CELSR1: variants seen among roughly 807,000 people sequenced by gnomAD.
CELSR1 encodes adhesion G protein-coupled receptor C1.
Under a neutral mutation model 249.1 loss-of-function variants are expected in CELSR1, and 110 were observed. The observed-to-expected ratio is 0.44, with a 90% CI of 0.38 to 0.52. The LOEUF (loss-of-function observed/expected upper bound fraction) is 0.52. Among genes scored for constraint, CELSR1 ranks in the 20% least tolerant of loss-of-function variants. The probability of loss-of-function intolerance (pLI) is 0.00; values close to 1 mark genes in which losing one functional copy is unlikely to be tolerated. For missense variants in CELSR1, 4,109 were observed against 4,296.4 expected (o/e 0.96, Z 1.22); for synonymous variants, 2,113 against 1,900.0 (o/e 1.11, Z -2.92).
chr22:46,518,904 A>G lies in CELSR1; in HGVS notation c.3544+14723T>C, dbSNP rs2080656447. On this transcript the variant is annotated intron_variant, in intron 1 of 34. Coordinates refer to ENST00000674500, the MANE Select transcript of CELSR1 (RefSeq NM_001378328.1). The surrounding 1 kb of genome is among the most constrained non-coding windows in gnomAD (Gnocchi z 5.2). ...AAAAATTAGCTGGACGTGGTGGCGCATGCCTGTAATCCCAGCTACTCGGGA... is the reference window on the plus strand; with the variant it reads ...AAAAATTAGCTGGACGTGGTGGCGCGTGCCTGTAATCCCAGCTACTCGGGA... Among the ~76,000 whole-genome samples, 2 of 152,102 alleles carry G rather than the reference A, an allele frequency of 1.3e-5. No homozygotes were observed. The highest frequency in any genetic ancestry group is 2.9e-5 in the Non-Finnish European group (2 of 68,018).
At chr22:46,498,784 A>T (rs2080439675) in intron 1 of CELSR1, among the ~76,000 whole-genome samples, 1 of 152,082 alleles carries the variant, frequency 6.6e-6, no homozygotes, top group Non-Finnish European at 1.5e-5. Context: ...AGATATTAAG[A>T]CAACTGGGAA....
rs776942488 is a variant in CELSR1, at chr22:46,534,873, G to T, written c.2298C>A (p.Asp766Glu). The change falls in exon 1 of 35, where the codon GAC becomes GAA. Residue 766 changes from aspartate to glutamate, a missense_variant. Physicochemically the swap from Asp to Glu is conservative, Grantham distance 45. Coordinates refer to ENST00000674500, the MANE Select transcript of CELSR1 (RefSeq NM_001378328.1). This position sits in a 1 kb window ranked among gnomAD's most constrained non-coding sequence, Gnocchi z 9.7. ...QQYVLAVTAS[D>E]GTRSHTAHVL... ...CATGCGCAGTGTGCGACCGTGTGCC[G>T]TCGGATGCTGTCACCGCCAGCACGT... The T allele has an allele frequency of 6.2e-7, 1 of 1,612,628 alleles. No individual in the cohort carries two copies. Among genetic ancestry groups the T allele is most frequent in the Non-Finnish European group, 8.5e-7 (1 of 1,179,992 alleles).
In CELSR1 at chr22:46,398,114, C is replaced by T. The variant is rs755743113; in HGVS notation, c.5527-266G>A. Among the ~76,000 whole-genome samples the T allele has an allele frequency of 6.6e-6, 1 of 151,990 alleles. No individual in the cohort carries two copies. The highest frequency in any genetic ancestry group is 2.4e-5 in the African/African-American group (1 of 41,358). On this transcript the variant is annotated intron_variant, in intron 11 of 34. Transcript: ENST00000674500. This position sits in a 1 kb window ranked among gnomAD's most constrained non-coding sequence, Gnocchi z 7.2. The stretch of plus-strand genomic sequence containing the variant: ...GGGCGTGAGGAGTGGATGTCCCTGC[C>T]GAGGGGGCTGAGAGCTGAACGACTC...
intron 1 of CELSR1, among the ~76,000 whole-genome samples, chr22:46,489,640 C>A (rs574661046): frequency 1.3e-5 from 2 of 152,206 alleles, no homozygotes; most frequent in South Asian, 4.1e-4. Context: ...TGGCCGTGCA[C>A]GGTGGCTCAT....
At position 46,535,035 on chromosome 22, in the gene CELSR1, G is replaced by A. The variant is rs748115709; in HGVS notation, c.2136C>T (p.Arg712=). Residue 712 remains arginine, a synonymous_variant, in exon 1 of 35, where the codon CGC becomes CGT. Coordinates refer to ENST00000674500, the MANE Select transcript of CELSR1 (RefSeq NM_001378328.1). ...VGSSVLTLQA[R]DRDANSVITY... is the part of the protein sequence containing the mutation. ...TAATCACACTGTTGGCGTCACGGTC[G>A]CGGGCCTGCAGGGTCAGCACGCTGC... 25 of 1,612,352 alleles carry A rather than the reference G, an allele frequency of 1.6e-5. 1 individual carries two copies. The South Asian group carries it at 2.0e-4, about 13-fold the overall frequency.
intron 1 of CELSR1, among the ~76,000 whole-genome samples, chr22:46,531,177 G>A (rs933614111): frequency 1.4e-5 from 2 of 144,426 alleles, no homozygotes; most frequent in East Asian, 4.1e-4. Flanking sequence ...TGAGATTTCT[G>A]CGCATCCTTT....
rs150880121 is a variant in CELSR1 at position 46,411,649 on chromosome 22, G to A, written c.4722C>T (p.Ile1574=). ...TTMAVRFGKD[I]GNYSCAAQGT... is the part of the protein sequence containing the mutation. Reference sequence around the variant, plus strand: ...CCTGGGCAGCGCAGCTGTAGTTCCCGATGTCCTTTCCAAAGCGCACAGCCA... The same window carrying A: ...CCTGGGCAGCGCAGCTGTAGTTCCCAATGTCCTTTCCAAAGCGCACAGCCA... The change falls in exon 6 of 35, where the codon ATC becomes ATT. Residue 1574 remains isoleucine, a synonymous_variant. Coordinates refer to ENST00000674500, the MANE Select transcript of CELSR1 (RefSeq NM_001378328.1). The surrounding 1 kb of genome is among the most constrained non-coding windows in gnomAD (Gnocchi z 4.2). 2.0e-5 allele frequency: 33 copies of A among 1,614,212 alleles called. No homozygotes were observed. In the African/African-American group the frequency reaches 3.1e-4, roughly 15 times the overall value.
rs1252853435 is a variant in CELSR1 at position 46,428,246 on chromosome 22, AG to A, written c.4611+5146del. 2.0e-5 allele frequency among the ~76,000 whole-genome samples: 3 copies of A among 152,226 alleles called. No homozygotes were observed. Among genetic ancestry groups the A allele is most frequent in the Non-Finnish European group, 4.4e-5 (3 of 68,042 alleles). On this transcript the variant is annotated intron_variant, in intron 5 of 34. Coordinates refer to ENST00000674500, the MANE Select transcript of CELSR1 (RefSeq NM_001378328.1). This position sits in a 1 kb window ranked among gnomAD's most constrained non-coding sequence, Gnocchi z 5.7. ...GCCATCTCAGAATCACCAGAACCAG[AG>A]GAAGCCAAATTGCCGAGGCAGAGTC...
In CELSR1 at chr22:46,398,209, C is replaced by T. The variant is rs970926936; in HGVS notation, c.5526+315G>A. Among the ~76,000 whole-genome samples the T allele has an allele frequency of 1.3e-5, 2 of 151,680 alleles. No homozygotes were observed. Among genetic ancestry groups the T allele is most frequent in the South Asian group, 2.1e-4 (1 of 4,796 alleles). On this transcript the variant is annotated intron_variant, in intron 11 of 34. Transcript: ENST00000674500. This position sits in a 1 kb window ranked among gnomAD's most constrained non-coding sequence, Gnocchi z 7.2. ...ACAGGCACGGGGCCCACTTGGGTGACGTCTGTGGTTGGACTGGGTGGGGGT... is the reference window on the plus strand; with the variant it reads ...ACAGGCACGGGGCCCACTTGGGTGATGTCTGTGGTTGGACTGGGTGGGGGT...
At chr22:46,394,035 G>A in intron 14 of CELSR1, 107 bp downstream of exon 14, 1 of 1,424,934 alleles carries the variant, frequency 7.0e-7, no homozygotes, top group Non-Finnish European at 9.6e-7. Context: ...GTGCAGGGGT[G>A]TGAGTGTGTA....
rs1354307495 is a variant in CELSR1 at position 46,463,935 on chromosome 22, C to A, written c.3955G>T (p.Val1319Leu). Residue 1319 changes from valine (V) to leucine (L), a missense_variant, in exon 2 of 35, where the codon GTG becomes TTG. Val to Leu is a conservative substitution (Grantham distance 32). Transcript: ENST00000674500. ...REPCENYMKC[V>L]SVLRFDSSAP... The stretch of plus-strand genomic sequence containing the variant: ...GAGCTGTCGAATCGCAGAACGGACA[C>A]GCACTTCATGTAGTTCTCGCAGGGC... The A allele has an allele frequency of 3.7e-6, 6 of 1,614,030 alleles. No individual in the cohort carries two copies. Among genetic ancestry groups the A allele is most frequent in the Non-Finnish European group, 5.1e-6 (6 of 1,180,020 alleles).
intron 9 of CELSR1, among the ~76,000 whole-genome samples, chr22:46,405,712 C>A (rs1384455921): frequency 6.6e-6 from 1 of 152,124 alleles, no homozygotes; most frequent in Non-Finnish European, 1.5e-5. Flanking sequence ...GAGCAATTAT[C>A]CAAATTGCTT....
rs184163590 is a variant in CELSR1 at position 46,526,823 on chromosome 22, C to T, written c.3544+6804G>A. On this transcript the variant is annotated intron_variant, in intron 1 of 34. Coordinates refer to ENST00000674500, the MANE Select transcript of CELSR1 (RefSeq NM_001378328.1). The surrounding 1 kb of genome is among the most constrained non-coding windows in gnomAD (Gnocchi z 4.7). ...TGTGTCCATAACCTGAGCTGGTCTC[C>T]CCAGTCTGGACCTGCACACACAATC... is the stretch of plus-strand genomic sequence containing the variant. Among the ~76,000 whole-genome samples, 86 of 152,318 alleles carry T rather than the reference C, an allele frequency of 5.6e-4. No homozygotes were observed. The highest frequency in any genetic ancestry group is 1.8e-3 in the Admixed American group (27 of 15,302).
intron 1 of CELSR1, among the ~76,000 whole-genome samples, chr22:46,495,924 TG>T: frequency 6.6e-6 from 1 of 152,314 alleles, no homozygotes. Context: ...CTGGGCATGG[TG>T]GCTCATGCCT....
chr22:46,363,298 G>A lies in CELSR1; in HGVS notation c.9036-51C>T, dbSNP rs763378646. The A allele has an allele frequency of 3.3e-5, 50 of 1,510,296 alleles. No homozygotes were observed. The highest frequency in any genetic ancestry group is 6.7e-5 in the Admixed American group (4 of 59,308). The allele number at this position is 1,510,296 out of a possible 1,614,324, so 93.6% of individuals were successfully genotyped here. ...CAGGTGAAGGGTCAGTGAGGGTAGC[G>A]GCTTGGTGGGGCCCAAGGTTGTCAC... On this transcript the variant is annotated intron_variant, in intron 34 of 34. Coordinates refer to ENST00000674500, the MANE Select transcript of CELSR1 (RefSeq NM_001378328.1). This position sits in a 1 kb window ranked among gnomAD's most constrained non-coding sequence, Gnocchi z 4.3.
intron 9 of CELSR1, among the ~76,000 whole-genome samples, chr22:46,403,067 T>C (rs1022713885): frequency 8.5e-5 from 13 of 152,146 alleles, no homozygotes; most frequent in African/African-American, 2.7e-4. Context: ...AATTTCATAA[T>C]GATAACCAAG....
At position 46,395,837 on chromosome 22, in the gene CELSR1, G is replaced by A. The variant is rs998718213; in HGVS notation, c.5843+768C>T. Among the ~76,000 whole-genome samples the A allele has an allele frequency of 1.6e-4, 24 of 152,168 alleles. No homozygotes were observed. Among genetic ancestry groups the A allele is most frequent in the African/African-American group, 5.3e-4 (22 of 41,454 alleles). On this transcript the variant is annotated intron_variant, in intron 13 of 34. Transcript: ENST00000674500. The surrounding 1 kb of genome is among the most constrained non-coding windows in gnomAD (Gnocchi z 5.5). ...ACAAAGTGACGCTTGTGATGACTAC[G>A]CACCTGTACCCAGCGATCCCCGTGC...
At position 46,512,596 on chromosome 22, in the gene CELSR1, A is replaced by G. The variant is rs952635307; in HGVS notation, c.3544+21031T>C. Among the ~76,000 whole-genome samples, 1 of 152,090 alleles carries G rather than the reference A, an allele frequency of 6.6e-6. No homozygotes were observed. Among genetic ancestry groups the G allele is most frequent in the African/African-American group, 2.4e-5 (1 of 41,408 alleles). On this transcript the variant is annotated intron_variant, in intron 1 of 34. Coordinates refer to ENST00000674500, the MANE Select transcript of CELSR1 (RefSeq NM_001378328.1). The surrounding 1 kb of genome is among the most constrained non-coding windows in gnomAD (Gnocchi z 5.2). ...CAACAACAACAAAAAATCAAGGCCC[A>G]ATACTATGCATTGCCTTGACATCTG... is the stretch of plus-strand genomic sequence containing the variant.
chr22:46,366,585 G>T, intron 29 of CELSR1, 105 bp from the exon 30 acceptor site: 2 of 920,374 alleles, frequency 2.2e-6, no homozygotes, highest in Non-Finnish European at 1.7e-6. Flanking sequence ...CCACACCCTG[G>T]CTGGGCCCCT....
Sources: gnomAD v4.1 joint callset for allele counts (sites outside exome capture counted in the v4.1 genomes callset) on GRCh38, gnomAD v4.1.1 for gene constraint, Gnocchi (gnomAD v3.1) non-coding constraint, MANE v1.5 for transcripts, NCBI Gene and HGNC (gene_info 2026-07-23, HGNC 2026-07-21) for gene names.